The following FAM107B variants were observed in gnomAD, a reference collection of about 807,000 sequenced individuals.
FAM107B encodes protein FAM107B.
In FAM107B, 21 loss-of-function variants were observed where a neutral mutation model predicts 31.5. That is an observed-to-expected ratio of 0.67 (90% CI 0.47 to 0.96). The LOEUF is 0.96. Ranked by LOEUF, FAM107B falls within the 40% of genes least tolerant of loss-of-function variation. The probability of loss-of-function intolerance (pLI) is 0.00; values close to 1 mark genes in which losing one functional copy is unlikely to be tolerated. For synonymous variants in FAM107B, 157 were observed against 141.5 expected (o/e 1.11, Z -0.78); for missense variants, 452 against 377.1 (o/e 1.20, Z -1.64).
intron 1 of FAM107B, among the ~76,000 whole-genome samples, chr10:14,688,482 A>G (rs1201238637): frequency 2.0e-5 from 3 of 152,140 alleles, no homozygotes; most frequent in Admixed American, 6.6e-5. Context: ...TACACACATA[A>G]ATACACGTAC....
intron 2 of FAM107B, among the ~76,000 whole-genome samples, chr10:14,576,935 G>A (rs774958286): frequency 1.5e-4 from 23 of 152,062 alleles, no homozygotes; most frequent in Non-Finnish European, 1.8e-4. Flanking sequence ...TAAACACGAC[G>A]AAAAAACAGC....
At chr10:14,704,396 A>C (rs1855474774) in intron 1 of FAM107B, among the ~76,000 whole-genome samples, 1 of 152,062 alleles carries the variant, frequency 6.6e-6, no homozygotes, top group South Asian at 2.1e-4. Context: ...TCACAGAAGA[A>C]TCCAATAACA....
chr10:14,551,391 C>T lies in FAM107B; in HGVS notation c.470-20876G>A, dbSNP rs1353881662. Among the ~76,000 whole-genome samples the T allele has an allele frequency of 6.6e-5, 10 of 152,224 alleles. No homozygotes were observed. In the East Asian group the frequency reaches 9.7e-4, roughly 15 times the overall value. Reference sequence around the variant, plus strand: ...AACTCCTGACCTCAGGTGATCTGCCCGCCTTGGTCTCCCAAAGTGCTGGGA... The same window carrying T: ...AACTCCTGACCTCAGGTGATCTGCCTGCCTTGGTCTCCCAAAGTGCTGGGA... On this transcript the variant is annotated intron_variant, in intron 2 of 4. Coordinates refer to ENST00000181796, the MANE Select transcript of FAM107B (RefSeq NM_031453.4).
At chr10:14,553,241 T>C in intron 2 of FAM107B, 1 of 633,080 alleles carries the variant, frequency 1.6e-6, no homozygotes, top group South Asian at 2.2e-5. Context: ...TTATATCTGT[T>C]CACAGGTAAG....
chr10:14,655,594 A>G (rs1250374352), intron 2 of FAM107B, among the ~76,000 whole-genome samples: 1 of 152,204 alleles, frequency 6.6e-6, no homozygotes, highest in Non-Finnish European at 1.5e-5. Context: ...TGTTCAACAC[A>G]GTGACTGTGC....
chr10:14,663,236 T>C (rs961952236), intron 2 of FAM107B, among the ~76,000 whole-genome samples: 1 of 152,206 alleles, frequency 6.6e-6, no homozygotes, highest in Non-Finnish European at 1.5e-5. Flanking sequence ...AGAAGGTCTA[T>C]TGTGGGACCT....
chr10:14,746,669 A>G (rs1028840892), intron 1 of FAM107B, among the ~76,000 whole-genome samples: 3 of 152,234 alleles, frequency 2.0e-5, no homozygotes, highest in African/African-American at 7.2e-5. Flanking sequence ...GTCCACTGTC[A>G]GTCTGATGGG....
chr10:14,744,375 C>T (rs929117160), intron 1 of FAM107B, among the ~76,000 whole-genome samples: 10 of 152,130 alleles, frequency 6.6e-5, no homozygotes, highest in Admixed American at 6.5e-4. Context: ...CCAGAACTTC[C>T]AATACTATGT....
chr10:14,756,488 C>CA (rs35953164), intron 1 of FAM107B, among the ~76,000 whole-genome samples: 4 of 152,064 alleles, frequency 2.6e-5, no homozygotes, highest in Admixed American at 2.6e-4. Context: ...GGTTTCCCAA[C>CA]AAAAAAGGAT....
chr10:14,625,281 T>A (rs1419707962), intron 2 of FAM107B, among the ~76,000 whole-genome samples: 2 of 150,340 alleles, frequency 1.3e-5, no homozygotes, highest in Non-Finnish European at 3.0e-5. Context: ...TGTGTGTGTA[T>A]GTGTGTGTAT....
At chr10:14,590,973 GAGCAAAA>G (rs1564590236) in intron 2 of FAM107B, among the ~76,000 whole-genome samples, 4,206 of 109,016 alleles carry the variant, frequency 0.039, 141 homozygotes, top group East Asian at 0.14. Context: ...TGGGCAACAA[GAGCAAAA>G]CTCCATCTCA....
chr10:14,530,507 G>A lies in FAM107B; in HGVS notation c.478C>T (p.Pro160Ser). 1 of 1,611,972 alleles carries A rather than the reference G, an allele frequency of 6.2e-7. No individual in the cohort carries two copies. Among genetic ancestry groups the A allele is most frequent in the Non-Finnish European group, 8.5e-7 (1 of 1,179,632 alleles). Residue 160 changes from proline (P) to serine (S), a missense_variant, in exon 3 of 5, where the codon CCT becomes TCT. Physicochemically the swap from Pro to Ser is moderately conservative, Grantham distance 74 (BLOSUM62 -1). Transcript: ENST00000181796. ...GAGTCCTTATGGTCAATATCCTCAG[G>A]TGGGCTGTCTGAAAGAGAAAGATGA... ...LEQKMTSDSP[P>S]EDIDHKDSYL...
chr10:14,657,871 C>T (rs971923015), intron 2 of FAM107B, among the ~76,000 whole-genome samples: 13 of 151,716 alleles, frequency 8.6e-5, no homozygotes, highest in South Asian at 8.3e-4. Context: ...AGTGCAGTGG[C>T]GCGATCCCAG....
At chr10:14,628,273 C>T (rs1165183602) in intron 2 of FAM107B, among the ~76,000 whole-genome samples, 10 of 151,878 alleles carry the variant, frequency 6.6e-5, no homozygotes, top group African/African-American at 1.9e-4. Flanking sequence ...CCCACCATCA[C>T]GCCCAGCTAA....
At chr10:14,567,822 C>A (rs1033223277) in intron 2 of FAM107B, among the ~76,000 whole-genome samples, 1 of 152,184 alleles carries the variant, frequency 6.6e-6, no homozygotes, top group Non-Finnish European at 1.5e-5. Flanking sequence ...AGCTCAGAAG[C>A]GGTTCCTGGT....
At chr10:14,589,399 C>A (rs1294539512) in intron 2 of FAM107B, among the ~76,000 whole-genome samples, 1 of 152,108 alleles carries the variant, frequency 6.6e-6, no homozygotes, top group Non-Finnish European at 1.5e-5. Context: ...ATTCAAATAA[C>A]ATTTATTATA....
intron 1 of FAM107B, among the ~76,000 whole-genome samples, chr10:14,715,666 A>C (rs1372020095): frequency 6.6e-6 from 1 of 152,208 alleles, no homozygotes; most frequent in East Asian, 1.9e-4. Context: ...ATAGAACAGA[A>C]AGGTGGAGGA....
intron 1 of FAM107B, among the ~76,000 whole-genome samples, chr10:14,754,191 A>G (rs924096045): frequency 1.3e-5 from 2 of 152,168 alleles, no homozygotes; most frequent in African/African-American, 4.8e-5. Flanking sequence ...CACCCGTGTC[A>G]GCCTCCCAAA....
chr10:14,760,599 G>A (rs1432268227), intron 1 of FAM107B, among the ~76,000 whole-genome samples: 1 of 152,080 alleles, frequency 6.6e-6, no homozygotes, highest in African/African-American at 2.4e-5. Context: ...AGAGATGTAC[G>A]TTTTTTCACA....
Sources: allele counts gnomAD v4.1 joint callset (sites outside exome capture counted in the v4.1 genomes callset), GRCh38; gene constraint gnomAD v4.1.1; transcripts MANE v1.5; gene names NCBI Gene and HGNC (gene_info 2026-07-23, HGNC 2026-07-21).